FGF13: variants seen among roughly 807,000 people sequenced by gnomAD.
FGF13 encodes fibroblast growth factor 13.
In FGF13, 2 loss-of-function variants were observed where a neutral mutation model predicts 19.5. That is an observed-to-expected ratio of 0.10 (90% CI 0.04 to 0.32). The LOEUF is 0.32. Ranked by LOEUF, FGF13 falls within the 10% of genes least tolerant of loss-of-function variation. The pLI is 1.00. For synonymous variants in FGF13, 72 were observed against 76.9 expected (o/e 0.94, Z 0.33); for missense variants, 113 against 192.7 (o/e 0.59, Z 2.45).
At chrX:138,776,597 G>C (rs1445615878) in intron 3 of FGF13, among the ~76,000 whole-genome samples, 1 of 112,040 alleles carries the variant, frequency 8.9e-6, no homozygotes, top group Non-Finnish European at 1.9e-5. Context: ...TCGAGTTTGG[G>C]CTCTTATGTT....
intron 1 of FGF13, among the ~76,000 whole-genome samples, chrX:139,020,947 A>G (rs947702903): frequency 2.7e-5 from 3 of 111,347 alleles, no homozygotes; most frequent in Non-Finnish European, 5.7e-5. Context: ...TCAACCAGAA[A>G]AAAAATGTAG....
intron 1 of FGF13, among the ~76,000 whole-genome samples, chrX:138,909,956 A>G (rs1012717298): frequency 9.0e-6 from 1 of 111,432 alleles, no homozygotes; most frequent in Non-Finnish European, 1.9e-5. Flanking sequence ...AAGTTAGTGT[A>G]TCATAGCTCT....
chrX:138,702,162 G>A (rs1479549683), intron 3 of FGF13, among the ~76,000 whole-genome samples: 2 of 109,710 alleles, frequency 1.8e-5, no homozygotes, highest in Non-Finnish European at 3.8e-5. Context: ...CTGGGCCACA[G>A]AGCAAGATTC....
chrX:139,182,308 C>T (rs1443713553), intron 1 of FGF13, among the ~76,000 whole-genome samples: 1 of 111,515 alleles, frequency 9.0e-6, no homozygotes, highest in Non-Finnish European at 1.9e-5. Flanking sequence ...TAGGTAGTAC[C>T]CTGGATTAAA....
chrX:138,829,306 C>A (rs1008089989), intron 3 of FGF13, among the ~76,000 whole-genome samples: 5 of 111,426 alleles, frequency 4.5e-5, no homozygotes, highest in African/African-American at 1.6e-4. Flanking sequence ...GGAAGTAGAT[C>A]CCTCTTGAAT....
At chrX:138,883,244 G>A (rs192492547) in intron 1 of FGF13, among the ~76,000 whole-genome samples, 5 of 111,888 alleles carry the variant, frequency 4.5e-5, no homozygotes, top group East Asian at 2.8e-4. Context: ...AGAAGTAATC[G>A]CCTCTGATTT....
chrX:138,930,739 G>A (rs2091697614), intron 1 of FGF13, among the ~76,000 whole-genome samples: 1 of 111,896 alleles, frequency 8.9e-6, no homozygotes, highest in Admixed American at 9.5e-5. Flanking sequence ...TACTGCAGCT[G>A]TTTACCAAAA....
rs2083721462 is a variant in FGF13 at position 139,127,044 on chromosome X, T to C, written c.-113+76372A>G. Among the ~76,000 whole-genome samples the C allele has an allele frequency of 2.7e-5, 3 of 111,641 alleles. No individual in the cohort carries two copies. In the Admixed American group the frequency reaches 2.9e-4, roughly 11 times the overall value. On this transcript the variant is annotated intron_variant, in intron 1 of 2. Coordinates refer to the FGF13 transcript ENST00000421460. ...ACCTTGGCTTTTCACTTGATCATTT[T>C]CTTCTTAGGTATTAATCTTAGTACT... is the stretch of plus-strand genomic sequence containing the variant.
intron 1 of FGF13, among the ~76,000 whole-genome samples, chrX:139,118,879 A>G (rs1441561210): frequency 9.0e-6 from 1 of 111,090 alleles, no homozygotes; most frequent in Admixed American, 9.6e-5. Context: ...ATAAAAAAAT[A>G]GCTAGGTGTG....
intron 3 of FGF13, among the ~76,000 whole-genome samples, chrX:138,831,458 C>T (rs369128223): frequency 1.8e-5 from 2 of 111,498 alleles, no homozygotes; most frequent in African/African-American, 6.5e-5. Flanking sequence ...CCTTGGGGGC[C>T]CAATCCCAAC....
chrX:139,155,701 G>T (rs769037147), intron 1 of FGF13, among the ~76,000 whole-genome samples: 37 of 112,368 alleles, frequency 3.3e-4, no homozygotes, highest in Non-Finnish European at 5.8e-4. Flanking sequence ...AGCTCCAGCA[G>T]TCTTCAGAGG....
At chrX:138,888,992 AT>A (rs2091464244) in intron 1 of FGF13, among the ~76,000 whole-genome samples, 1 of 112,065 alleles carries the variant, frequency 8.9e-6, no homozygotes, top group South Asian at 3.7e-4. Flanking sequence ...TTCAACTAAT[AT>A]TTTTTGAGCA....
chrX:138,907,652 C>T (rs907738047), intron 1 of FGF13, among the ~76,000 whole-genome samples: 1 of 111,823 alleles, frequency 8.9e-6, no homozygotes, highest in Admixed American at 9.5e-5. Context: ...AGGGATGTGG[C>T]TGTGCTTTTT....
At chrX:138,796,906 G>A (rs1281694406) in intron 3 of FGF13, among the ~76,000 whole-genome samples, 1 of 111,644 alleles carries the variant, frequency 9.0e-6, no homozygotes, top group East Asian at 2.8e-4. Flanking sequence ...TGATGGGGTT[G>A]TTTTTTTCTT....
At chrX:138,855,049 A>T (rs1194718330), downstream of FGF13, among the ~76,000 whole-genome samples, 5 of 112,146 alleles carry the variant, frequency 4.5e-5, no homozygotes, top group African/African-American at 9.7e-5. Context: ...ATTATAACAA[A>T]ATGTCACAAC....
intron 1 of FGF13, among the ~76,000 whole-genome samples, chrX:138,985,519 C>T (rs2124340839): frequency 8.9e-6 from 1 of 112,027 alleles, no homozygotes; most frequent in Non-Finnish European, 1.9e-5. Flanking sequence ...AAATACCCTA[C>T]CAACCTCTGT....
intron 3 of FGF13, among the ~76,000 whole-genome samples, chrX:138,796,390 G>A (rs1328052291): frequency 8.9e-6 from 1 of 111,817 alleles, no homozygotes; most frequent in African/African-American, 3.3e-5. Context: ...TCCCTGCAAA[G>A]CACATGAACT....
chrX:139,081,724 C>CTCTCTCTCTCTCTCTCTG (rs372777290), intron 1 of FGF13, among the ~76,000 whole-genome samples: 23,831 of 104,889 alleles, frequency 0.23, 2,967 homozygotes, highest in African/African-American at 0.44. Flanking sequence ...TTCTTAATTC[C>CTCTCTCTCTCTCTCTCTG]TCTCTCTCTC....
chrX:139,072,738 T>G (rs992628377), intron 1 of FGF13, among the ~76,000 whole-genome samples: 5 of 111,876 alleles, frequency 4.5e-5, no homozygotes, highest in Non-Finnish European at 9.4e-5. Flanking sequence ...AATGGGCTCC[T>G]TTGAACTGAG....
Sources: gnomAD v4.1 joint callset for allele counts (sites outside exome capture counted in the v4.1 genomes callset) on GRCh38, gnomAD v4.1.1 for gene constraint, MANE v1.5 for transcripts, NCBI Gene and HGNC (gene_info 2026-07-23, HGNC 2026-07-21) for gene names.